DNAH12: variants seen among roughly 807,000 people sequenced by gnomAD.
DNAH12 encodes dynein axonemal heavy chain 12.
Under a neutral mutation model 371.5 loss-of-function variants are expected in DNAH12, and 285 were observed. That is an observed-to-expected ratio of 0.77 (90% confidence interval 0.70 to 0.85). DNAH12 has a LOEUF of 0.85. Ranked by LOEUF, DNAH12 falls within the 40% of genes least tolerant of loss-of-function variation. The pLI, the probability that DNAH12 is intolerant of heterozygous loss-of-function variation, is 0.00. For missense variants in DNAH12, 3,611 were observed against 3,689.4 expected (o/e 0.98, Z 0.55); for synonymous variants, 1,200 against 1,213.0 (o/e 0.99, Z 0.22).
At chr3:57,441,242 T>TA (rs2065296332) in intron 29 of DNAH12, among the ~76,000 whole-genome samples, 1 of 151,966 alleles carries the variant, frequency 6.6e-6, no homozygotes, top group Non-Finnish European at 1.5e-5. Context: ...ACACTAGAAC[T>TA]AAAAAGATCA....
intron 38 of DNAH12, among the ~76,000 whole-genome samples, chr3:57,414,152 T>C (rs1293327602): frequency 6.0e-5 from 6 of 100,612 alleles, no homozygotes; most frequent in African/African-American, 3.5e-4. Flanking sequence ...AGCAGCATTA[T>C]GTGTGTGTTT....
rs1170771261 is a variant in DNAH12 at position 57,410,856 on chromosome 3, G to A, written c.6021-2321C>T. 7.3e-5 allele frequency among the ~76,000 whole-genome samples: 11 copies of A among 150,952 alleles called. No individual in the cohort carries two copies. The East Asian group carries it at 2.1e-3, about 29-fold the overall frequency. ...AGCCAAAAACGTCCTAGTAAACTAG[G>A]AATAAAGGTAACTTCCTCAACTTGG... is the stretch of plus-strand genomic sequence containing the variant. On this transcript the variant is annotated intron_variant, in intron 39 of 73. Transcript: ENST00000495027.
intron 62 of DNAH12, among the ~76,000 whole-genome samples, chr3:57,325,354 G>A (rs1200915571): frequency 2.0e-5 from 3 of 152,294 alleles, no homozygotes; most frequent in Non-Finnish European, 4.4e-5. Context: ...TCACACGGCT[G>A]GGTACTCCTC....
chr3:57,509,410 T>C (rs1344447916), intron 5 of DNAH12, among the ~76,000 whole-genome samples, 198 bp from the exon 6 acceptor site: 2 of 152,138 alleles, frequency 1.3e-5, no homozygotes, highest in South Asian at 2.1e-4. Context: ...AACGAAAAGC[T>C]TTAATAAGAT....
chr3:57,361,444 CTA>C lies in DNAH12; in HGVS notation c.9360+2148_9360+2149del, dbSNP rs1201361123. Among the ~76,000 whole-genome samples, 829 of 116,548 alleles carry C rather than the reference CTA, an allele frequency of 7.1e-3. 17 individuals carry two copies. The highest frequency in any genetic ancestry group is 0.019 in the African/African-American group (453 of 23,718). The allele number at this position is 116,548 out of a possible 152,430, so 76.5% of individuals were successfully genotyped here. A position where few individuals can be genotyped will look rare whatever the true frequency, so the allele number is the denominator to read the frequency against. ...CACTATATATATATACACACACACA[CTA>C]TATATATATATATATATATATATAT... is the stretch of plus-strand genomic sequence containing the variant. On this transcript the variant is annotated intron_variant, in intron 58 of 73. Transcript: ENST00000495027.
rs76311049 is a variant in DNAH12, at chr3:57,454,579, A to G, written c.3456+196T>C. 3.4e-3 allele frequency among the ~76,000 whole-genome samples: 520 copies of G among 152,316 alleles called. 2 individuals are homozygous for G. The highest frequency in any genetic ancestry group is 0.011 in the African/African-American group (464 of 41,564). The stretch of plus-strand genomic sequence containing the variant: ...ACAATAGATAAGTTAACTAAGAAAC[A>G]TAGGATGGGGCCAGGCACAGTGGCT... On this transcript the variant is annotated intron_variant, in intron 23 of 73. Transcript: ENST00000495027.
At chr3:57,514,302 G>C (rs1298850142) in intron 4 of DNAH12, among the ~76,000 whole-genome samples, 1 of 151,580 alleles carries the variant, frequency 6.6e-6, no homozygotes, top group Admixed American at 6.6e-5. Context: ...GCTGAGGCAG[G>C]AGAATCGCTT....
intron 68 of DNAH12, 28 bp downstream of exon 68, chr3:57,309,637 TA>T: frequency 7.0e-7 from 1 of 1,426,058 alleles, no homozygotes; most frequent in Non-Finnish European, 9.2e-7. Context: ...ATTTATATTA[TA>T]AGTAACATAT....
chr3:57,476,141 G>A (rs913365886), intron 13 of DNAH12, among the ~76,000 whole-genome samples: 4 of 152,072 alleles, frequency 2.6e-5, no homozygotes, highest in African/African-American at 9.7e-5. Flanking sequence ...ACATTGATGA[G>A]AGGCAAAAGA....
At chr3:57,417,200 A>C (rs2064405426) in intron 37 of DNAH12, among the ~76,000 whole-genome samples, 1 of 152,126 alleles carries the variant, frequency 6.6e-6, no homozygotes, top group Non-Finnish European at 1.5e-5. Flanking sequence ...TGGTGAGCTG[A>C]GATTGTGCCA....
At chr3:57,435,757 G>C (rs770864856) in intron 30 of DNAH12, among the ~76,000 whole-genome samples, 1 of 151,944 alleles carries the variant, frequency 6.6e-6, no homozygotes, top group African/African-American at 2.4e-5. Context: ...TGGAGTTTGA[G>C]ACCAGCCTGG....
chr3:57,293,984 AAAG>A lies in DNAH12; in HGVS notation c.11693-16_11693-14del. On this transcript the variant is annotated splice_polypyrimidine_tract_variant and intron_variant, in intron 73 of 73. Transcript: ENST00000495027. ...CGAGATTTTTGAGCTTGAAAAAAAA[AAAG>A]AAATATATTCACTTGATAAAGGGAA... The A allele has an allele frequency of 1.4e-6, 2 of 1,429,928 alleles. No individual in the cohort carries two copies. The highest frequency in any genetic ancestry group is 1.8e-6 in the Non-Finnish European group (2 of 1,086,166). The allele number at this position is 1,429,928 out of a possible 1,614,324, so 88.6% of individuals were successfully genotyped here. A position where few individuals can be genotyped will look rare whatever the true frequency, so the allele number is the denominator to read the frequency against.
chr3:57,434,827 A>G (rs895517170), intron 30 of DNAH12, among the ~76,000 whole-genome samples: 13 of 148,634 alleles, frequency 8.7e-5, no homozygotes, highest in Non-Finnish European at 1.7e-4. Context: ...AATGACAGGT[A>G]CTGGTTTCAC....
chr3:57,334,765 C>A lies in DNAH12; in HGVS notation c.9833+17G>T. 1.3e-6 allele frequency: 2 copies of A among 1,531,734 alleles called. No individual in the cohort carries two copies. The highest frequency in any genetic ancestry group is 2.4e-5 in the East Asian group (1 of 40,818). The allele number at this position is 1,531,734 out of a possible 1,614,324, so 94.9% of individuals were successfully genotyped here. On this transcript the variant is annotated intron_variant, in intron 61 of 73. Coordinates refer to ENST00000495027, the MANE Select transcript of DNAH12 (RefSeq NM_001366028.2). Reference sequence around the variant, plus strand: ...ATATTGCCATTCAATGATAAATCATCGAATTTAAACAATCACCTGAGTCCT... The same window carrying A: ...ATATTGCCATTCAATGATAAATCATAGAATTTAAACAATCACCTGAGTCCT...
intron 19 of DNAH12, among the ~76,000 whole-genome samples, chr3:57,460,267 T>C (rs1456374846): frequency 6.6e-6 from 1 of 152,144 alleles, no homozygotes; most frequent in Non-Finnish European, 1.5e-5. Flanking sequence ...CAGAGAATTA[T>C]AGAGCCCAAA....
At chr3:57,393,901 C>T (rs1009799934) in intron 44 of DNAH12, among the ~76,000 whole-genome samples, 82,197 of 151,702 alleles carry the variant, frequency 0.54, 22,454 homozygotes, top group East Asian at 0.62. Flanking sequence ...TAAAAATCTC[C>T]AATCACTCAT....
intron 60 of DNAH12, among the ~76,000 whole-genome samples, chr3:57,342,706 C>T (rs1359580712): frequency 1.2e-4 from 17 of 147,316 alleles, no homozygotes; most frequent in African/African-American, 3.8e-4. Flanking sequence ...AACTATTCAT[C>T]CACCAAAGAA....
chr3:57,471,211 G>A (rs935138609), intron 15 of DNAH12, among the ~76,000 whole-genome samples: 3 of 151,672 alleles, frequency 2.0e-5, no homozygotes, highest in African/African-American at 4.8e-5. Context: ...AAAATTAGCC[G>A]GGCATGGTGG....
In DNAH12 at chr3:57,498,379, T is replaced by C. The variant is rs140064731; in HGVS notation, c.1335+2942A>G. 1,658 of 642,194 alleles carry C rather than the reference T, an allele frequency of 2.6e-3. 38 individuals carry two copies. In the Admixed American group the frequency reaches 0.033, roughly 13 times the overall value. The allele number at this position is 642,194 out of a possible 1,614,324, so 39.8% of individuals were successfully genotyped here. A position where few individuals can be genotyped will look rare whatever the true frequency, so the allele number is the denominator to read the frequency against. On this transcript the variant is annotated intron_variant, in intron 11 of 73. Coordinates refer to ENST00000495027, the MANE Select transcript of DNAH12 (RefSeq NM_001366028.2). ...TCACTCAAGTTGGAGTGCAGTGGCA[T>C]GATCATAACTCACTGCAGACTCGAA...
Sources: allele counts gnomAD v4.1 joint callset (sites outside exome capture counted in the v4.1 genomes callset), GRCh38; gene constraint gnomAD v4.1.1; transcripts MANE v1.5; gene names NCBI Gene and HGNC (gene_info 2026-07-23, HGNC 2026-07-21).